Variants in EIF4ENIF1 observed in about 807,000 individuals in gnomAD.
EIF4ENIF1 encodes eukaryotic translation initiation factor 4E transporter.
EIF4ENIF1 carries 23 observed loss-of-function variants against 110.5 expected under a neutral mutation model. The observed-to-expected ratio is 0.21, with a 90% confidence interval of 0.15 to 0.29. The LOEUF is 0.29. EIF4ENIF1 is among the 10% of genes least tolerant of loss of function. The pLI, the probability that EIF4ENIF1 is intolerant of heterozygous loss-of-function variation, is 1.00. For missense variants in EIF4ENIF1, 1,031 were observed against 1,221.1 expected, an observed-to-expected ratio of 0.84 and a Z score of 2.32; for synonymous variants, 440 against 437.0, an observed-to-expected ratio of 1.01 and a Z score of -0.09.
intron 15 of EIF4ENIF1, among the ~76,000 whole-genome samples, chr22:31,443,668 C>A (rs1019936353): frequency 1.3e-5 from 2 of 152,146 alleles, no homozygotes; most frequent in Admixed American, 1.3e-4. Flanking sequence ...CAAAAAAGTT[C>A]TTTCCAAACC....
chr22:31,488,928 T>C (rs2052149394), intron 1 of EIF4ENIF1, 183 bp from the exon 2 acceptor site: 1 of 670,978 alleles, frequency 1.5e-6, no homozygotes, highest in Middle Eastern at 3.1e-4. Flanking sequence ...CTCAGTTCTC[T>C]TTCCTAGTAT....
At chr22:31,465,879 T>C (rs886234762) in intron 4 of EIF4ENIF1, among the ~76,000 whole-genome samples, 4 of 152,188 alleles carry the variant, frequency 2.6e-5, no homozygotes, top group African/African-American at 9.7e-5. Flanking sequence ...TCGTAACTAT[T>C]CTTAATGAAA....
chr22:31,486,378 C>T (rs1394409242), intron 2 of EIF4ENIF1, among the ~76,000 whole-genome samples: 2 of 152,068 alleles, frequency 1.3e-5, no homozygotes, highest in East Asian at 1.9e-4. Context: ...GCAGGAGAAT[C>T]GCTTGAACCA....
At chr22:31,448,003 C>T (rs2050528621) in intron 13 of EIF4ENIF1, 150 bp downstream of exon 13, 5 of 835,818 alleles carry the variant, frequency 6.0e-6, no homozygotes, top group Non-Finnish European at 9.6e-6. Flanking sequence ...CCTGCCTCCA[C>T]CTCCCAAAGT....
At chr22:31,449,192 T>C (rs2050571660) in intron 12 of EIF4ENIF1, among the ~76,000 whole-genome samples, 156 bp downstream of exon 12, 2 of 152,102 alleles carry the variant, frequency 1.3e-5, no homozygotes. Flanking sequence ...GTATTTTTAG[T>C]AGAGATGGGG....
chr22:31,463,957 C>T lies in EIF4ENIF1; in HGVS notation c.309G>A (p.Glu103=), dbSNP rs754071116. The change falls in exon 5 of 19, where the codon GAG becomes GAA. Residue 103 remains glutamate, a synonymous_variant. Transcript: ENST00000330125. The part of the protein sequence containing the change: ...SLVRRIVDPR[E]RVKEDDLDVV... ...CATCTAAGTCATCTTCTTTCACACG[C>T]TCTCGTGGATCTGGAAGGACGTGGG... is the stretch of plus-strand genomic sequence containing the variant. 6.2e-7 allele frequency: 1 copy of T among 1,611,992 alleles called. No individual in the cohort carries two copies. The highest frequency in any genetic ancestry group is 1.1e-5 in the South Asian group (1 of 91,062).
chr22:31,441,656 G>A (rs73160625), intron 17 of EIF4ENIF1, 118 bp downstream of exon 17: 266 of 899,058 alleles, frequency 3.0e-4, no homozygotes, highest in Non-Finnish European at 4.1e-4. Flanking sequence ...TTAGATGGGA[G>A]AATCTAGTAA....
At chr22:31,440,376 A>G (rs1288566410) in intron 18 of EIF4ENIF1, among the ~76,000 whole-genome samples, 1 of 152,106 alleles carries the variant, frequency 6.6e-6, no homozygotes, top group Non-Finnish European at 1.5e-5. Flanking sequence ...TAACCACATC[A>G]CAGAAGCAGC....
chr22:31,456,460 T>C (rs1312896584), intron 7 of EIF4ENIF1, among the ~76,000 whole-genome samples: 3 of 152,102 alleles, frequency 2.0e-5, no homozygotes, highest in South Asian at 4.1e-4. Flanking sequence ...CCTGACCTTG[T>C]GATCCGCCCG....
intron 4 of EIF4ENIF1, among the ~76,000 whole-genome samples, chr22:31,467,125 C>T (rs886405455): frequency 3.3e-5 from 5 of 152,266 alleles, no homozygotes; most frequent in Admixed American, 6.5e-5. Flanking sequence ...GAAGTTTACG[C>T]GACCCATTTC....
chr22:31,465,296 C>A, intron 4 of EIF4ENIF1, among the ~76,000 whole-genome samples: 1 of 147,400 alleles, frequency 6.8e-6, no homozygotes, highest in Non-Finnish European at 1.5e-5. Flanking sequence ...GCACTGTAGC[C>A]TGGGCACCAA....
At chr22:31,469,532 T>A (rs2051293620) in intron 3 of EIF4ENIF1, among the ~76,000 whole-genome samples, 1 of 152,174 alleles carries the variant, frequency 6.6e-6, no homozygotes, top group African/African-American at 2.4e-5. Flanking sequence ...CTACCTACCT[T>A]CTAGGGTAGT....
At chr22:31,446,143 G>C (rs2050466580) in intron 14 of EIF4ENIF1, among the ~76,000 whole-genome samples, 1 of 151,634 alleles carries the variant, frequency 6.6e-6, no homozygotes. Flanking sequence ...AAACTAGCCG[G>C]GTGTGGTGGC....
chr22:31,492,397 G>A (rs185225919), upstream of EIF4ENIF1, among the ~76,000 whole-genome samples: 1 of 152,320 alleles, frequency 6.6e-6, no homozygotes, highest in Admixed American at 6.5e-5. Flanking sequence ...AGCCATACAT[G>A]ATATCAGTGC....
At chr22:31,477,357 C>CAAAAAAA (rs749894840) in intron 2 of EIF4ENIF1, among the ~76,000 whole-genome samples, 1 of 46,846 alleles carries the variant, frequency 2.1e-5, no homozygotes, top group Non-Finnish European at 4.0e-5. Context: ...CCTCTGTCTC[C>CAAAAAAA]AAAAAAAAAA....
rs768136677 is a variant in EIF4ENIF1, at chr22:31,447,598, G to C, written c.1849-33C>G. The C allele has an allele frequency of 1.1e-5, 18 of 1,571,212 alleles. No individual in the cohort carries two copies. The South Asian group carries it at 2.0e-4, about 17-fold the overall frequency. On this transcript the variant is annotated intron_variant, in intron 13 of 18. Coordinates refer to ENST00000330125, the MANE Select transcript of EIF4ENIF1 (RefSeq NM_019843.4). ...AAAGGAGAGGGGAGGGTCAGGAGAAGAGTAAGGACACCACACTTTCTACAA... is the reference window on the plus strand; with the variant it reads ...AAAGGAGAGGGGAGGGTCAGGAGAACAGTAAGGACACCACACTTTCTACAA...
At chr22:31,441,111 C>G (rs2050280497) in intron 17 of EIF4ENIF1, among the ~76,000 whole-genome samples, 1 of 152,054 alleles carries the variant, frequency 6.6e-6, no homozygotes. Flanking sequence ...AAAAATTAGC[C>G]AGGTGTAGTG....
At chr22:31,445,960 C>CG (rs892610307) in intron 14 of EIF4ENIF1, among the ~76,000 whole-genome samples, 19 of 148,326 alleles carry the variant, frequency 1.3e-4, no homozygotes, top group Non-Finnish European at 2.5e-4. Context: ...ACCGCCCCCC[C>CG]CCCCCATCTA....
chr22:31,443,138 G>A (rs200579572), intron 15 of EIF4ENIF1, 44 bp from the exon 16 acceptor site: 290 of 1,604,340 alleles, frequency 1.8e-4, no homozygotes, highest in Middle Eastern at 3.4e-4. Context: ...TCTAAGTGCC[G>A]TTCTCTAATA....
Sources: allele counts gnomAD v4.1 joint callset (sites outside exome capture counted in the v4.1 genomes callset), GRCh38; gene constraint gnomAD v4.1.1; transcripts MANE v1.5; gene names NCBI Gene and HGNC (gene_info 2026-07-23, HGNC 2026-07-21).